The following KCNH8 variants were observed in gnomAD, a reference collection of about 807,000 sequenced individuals.
KCNH8 encodes the protein voltage-gated delayed rectifier potassium channel KCNH8.
KCNH8 carries 70 observed loss-of-function variants against 103.6 expected under a neutral mutation model. The ratio of observed to expected loss-of-function variants is 0.68; its 90% CI spans 0.56 to 0.82. The LOEUF is 0.82. Ranked by LOEUF, KCNH8 falls within the 40% of genes least tolerant of loss-of-function variation. The pLI is 0.00. For synonymous variants in KCNH8, 498 were observed against 489.4 expected (o/e 1.02, Z -0.23); for missense variants, 1,217 against 1,329.9 (o/e 0.92, Z 1.32).
intron 3 of KCNH8, among the ~76,000 whole-genome samples, chr3:19,299,258 A>T (rs2065034053): frequency 6.6e-6 from 1 of 152,164 alleles, no homozygotes; most frequent in Admixed American, 6.5e-5. Context: ...TTCATAATGC[A>T]TGTGGAATAT....
At chr3:19,376,609 A>G (rs545219471) in intron 5 of KCNH8, among the ~76,000 whole-genome samples, 1 of 152,320 alleles carries the variant, frequency 6.6e-6, no homozygotes, top group South Asian at 2.1e-4. Flanking sequence ...CTATTCGGCC[A>G]TCTTGGCTCC....
At chr3:19,336,857 TGTAAAA>T (rs1439314372) in intron 3 of KCNH8, among the ~76,000 whole-genome samples, 1 of 151,944 alleles carries the variant, frequency 6.6e-6, no homozygotes, top group Non-Finnish European at 1.5e-5. Context: ...TAGTTTACAA[TGTAAAA>T]GTAGGGATAT....
chr3:19,378,808 TCA>T (rs2066247524), intron 5 of KCNH8, among the ~76,000 whole-genome samples: 1 of 152,212 alleles, frequency 6.6e-6, no homozygotes, highest in African/African-American at 2.4e-5. Flanking sequence ...TATCCTTTAC[TCA>T]CAAACTTCAG....
At position 19,236,474 on chromosome 3, in the gene KCNH8, A is replaced by G. The variant is rs1205516423; in HGVS notation, c.77-17180A>G. On this transcript the variant is annotated intron_variant, in intron 1 of 15. Coordinates refer to ENST00000328405, the MANE Select transcript of KCNH8 (RefSeq NM_144633.3). ...TCACGGGGAGGGAAGTAAGAAGGAA[A>G]ACCCTGGTATGTACACTGCGTGGTG... is the stretch of plus-strand genomic sequence containing the variant. 2.6e-5 allele frequency among the ~76,000 whole-genome samples: 4 copies of G among 152,206 alleles called. No individual in the cohort carries two copies. The East Asian group carries it at 7.7e-4, about 29-fold the overall frequency.
At chr3:19,344,251 ATAT>A (rs1447915405) in intron 4 of KCNH8, among the ~76,000 whole-genome samples, 1 of 152,026 alleles carries the variant, frequency 6.6e-6, no homozygotes, top group Non-Finnish European at 1.5e-5. Flanking sequence ...ACCTAAACAA[ATAT>A]TATCCACAGA....
chr3:19,354,258 A>C (rs1166706192), intron 5 of KCNH8, among the ~76,000 whole-genome samples: 2 of 152,214 alleles, frequency 1.3e-5, no homozygotes, highest in African/African-American at 4.8e-5. Flanking sequence ...AGAACATTCC[A>C]TGCTCATGGA....
chr3:19,424,354 G>T (rs2125159739), intron 7 of KCNH8, among the ~76,000 whole-genome samples: 1 of 152,082 alleles, frequency 6.6e-6, no homozygotes, highest in Admixed American at 6.6e-5. Context: ...AAAATACAAA[G>T]TGGGGAAAGA....
chr3:19,473,275 C>A (rs139632130), intron 11 of KCNH8, among the ~76,000 whole-genome samples: 1 of 152,166 alleles, frequency 6.6e-6, no homozygotes, highest in Non-Finnish European at 1.5e-5. Flanking sequence ...TTTTCTTTAA[C>A]TTAATTCTAT....
intron 1 of KCNH8, among the ~76,000 whole-genome samples, chr3:19,240,070 T>C (rs941577018): frequency 1.1e-4 from 16 of 152,216 alleles, no homozygotes; most frequent in African/African-American, 3.9e-4. Context: ...ATACTTAGTA[T>C]TGGCGTGGAA....
intron 1 of KCNH8, among the ~76,000 whole-genome samples, chr3:19,243,206 C>G (rs1255206213): frequency 1.3e-5 from 2 of 152,146 alleles, no homozygotes; most frequent in East Asian, 3.9e-4. Flanking sequence ...CTACTCATCT[C>G]CATTCTGTAA....
chr3:19,500,591 A>C (rs148044419), intron 11 of KCNH8, among the ~76,000 whole-genome samples: 1 of 152,252 alleles, frequency 6.6e-6, no homozygotes, highest in Non-Finnish European at 1.5e-5. Flanking sequence ...CTCTCAGACC[A>C]TAGTGCAATC....
chr3:19,330,720 A>G (rs2065493448), intron 3 of KCNH8, among the ~76,000 whole-genome samples: 1 of 152,178 alleles, frequency 6.6e-6, no homozygotes, highest in Non-Finnish European at 1.5e-5. Flanking sequence ...ATCATATAGT[A>G]CAAACATAGG....
chr3:19,263,656 T>C (rs1307226021), intron 2 of KCNH8, among the ~76,000 whole-genome samples: 3 of 152,090 alleles, frequency 2.0e-5, no homozygotes, highest in African/African-American at 7.2e-5. Context: ...AGAATTTTTG[T>C]GAACTCATCT....
At chr3:19,452,643 T>A (rs1462446972) in intron 10 of KCNH8, among the ~76,000 whole-genome samples, 1 of 152,168 alleles carries the variant, frequency 6.6e-6, no homozygotes, top group African/African-American at 2.4e-5. Flanking sequence ...TATTTAGAGT[T>A]TGTGCTAATA....
At chr3:19,475,763 T>C (rs971932825) in intron 11 of KCNH8, among the ~76,000 whole-genome samples, 2 of 152,222 alleles carry the variant, frequency 1.3e-5, no homozygotes, top group South Asian at 2.1e-4. Flanking sequence ...ATTTATGACA[T>C]AATTCTTGTT....
chr3:19,375,805 T>C (rs2066186402), intron 5 of KCNH8, among the ~76,000 whole-genome samples: 1 of 152,042 alleles, frequency 6.6e-6, no homozygotes, highest in East Asian at 1.9e-4. Context: ...CCTTTCTGTT[T>C]GTTAGTTTTC....
intron 5 of KCNH8, among the ~76,000 whole-genome samples, chr3:19,373,220 G>A (rs183943341): frequency 6.6e-5 from 10 of 152,102 alleles, no homozygotes; most frequent in South Asian, 2.1e-4. Context: ...GGTAGAATTC[G>A]GCTGTGAATC....
chr3:19,484,144 G>A (rs931426637), intron 11 of KCNH8, among the ~76,000 whole-genome samples: 2 of 151,948 alleles, frequency 1.3e-5, no homozygotes, highest in African/African-American at 4.8e-5. Context: ...TATTATTTAT[G>A]AGTCCTCACC....
rs927353861 is a variant in KCNH8, at chr3:19,483,455, G to C, written c.2040+26473G>C. On this transcript the variant is annotated intron_variant, in intron 11 of 15. Transcript: ENST00000328405. ...CCAATAATTGAGGCTTTTAGGACTAGAAATTGTCAGGGTGATTTTTCTGAG... is the reference window on the plus strand; with the variant it reads ...CCAATAATTGAGGCTTTTAGGACTACAAATTGTCAGGGTGATTTTTCTGAG... 2.0e-5 allele frequency among the ~76,000 whole-genome samples: 3 copies of C among 152,142 alleles called. No homozygotes were observed. The East Asian group carries it at 5.8e-4, about 29-fold the overall frequency.
Sources: allele counts gnomAD v4.1 joint callset (sites outside exome capture counted in the v4.1 genomes callset), GRCh38; gene constraint gnomAD v4.1.1; transcripts MANE v1.5; gene names NCBI Gene and HGNC (gene_info 2026-07-23, HGNC 2026-07-21).